Variants in PITPNM3 observed in about 807,000 individuals in gnomAD.
The protein encoded by PITPNM3 is PITPNM family member 3, also known as membrane-associated phosphatidylinositol transfer protein 3.
In PITPNM3, 26 loss-of-function variants were observed where a neutral mutation model predicts 102.0. The ratio of observed to expected loss-of-function variants is 0.25; its 90% confidence interval spans 0.19 to 0.35. The LOEUF (loss-of-function observed/expected upper bound fraction) is 0.35. PITPNM3 is among the 10% of genes least tolerant of loss of function. The pLI is 1.00. For missense variants in PITPNM3, 1,083 were observed against 1,346.1 expected, an observed-to-expected ratio of 0.80 and a Z score of 3.06; for synonymous variants, 578 against 558.6, an observed-to-expected ratio of 1.03 and a Z score of -0.49.
intron 3 of PITPNM3, among the ~76,000 whole-genome samples, chr17:6,523,977 C>T (rs12942679): frequency 0.23 from 34,262 of 152,206 alleles, 4,742 homozygotes; most frequent in Middle Eastern, 0.4. Flanking sequence ...CTGATGTTGC[C>T]ACCAGCTTGG....
At chr17:6,509,925 C>T (rs1432649921) in intron 3 of PITPNM3, among the ~76,000 whole-genome samples, 1 of 152,186 alleles carries the variant, frequency 6.6e-6, no homozygotes, top group African/African-American at 2.4e-5. Context: ...TCATCTCCAG[C>T]TTTTCCACCC....
intron 6 of PITPNM3, chr17:6,480,903 A>ACCCTGGAGGTCCCCTCAGTTTGTC: frequency 6.6e-6 from 1 of 152,298 alleles, no homozygotes; most frequent in Non-Finnish European, 1.5e-5. Context: ...GAGGCCCCAT[A>ACCCTGGAGGTCCCCTCAGTTTGTC]CCCTGGAGGT....
chr17:6,504,073 T>A (rs7210117), intron 3 of PITPNM3, among the ~76,000 whole-genome samples: 48,404 of 152,000 alleles, frequency 0.32, 8,890 homozygotes, highest in Middle Eastern at 0.56. Context: ...GACCAAAGCT[T>A]CCCTAGAAGT....
intron 1 of PITPNM3, among the ~76,000 whole-genome samples, chr17:6,542,792 C>T (rs915045624): frequency 6.6e-6 from 1 of 152,228 alleles, no homozygotes; most frequent in Non-Finnish European, 1.5e-5. Flanking sequence ...GGGGCCCTCC[C>T]CAAGGCCTCA....
intron 9 of PITPNM3, among the ~76,000 whole-genome samples, chr17:6,476,575 G>A (rs751204206): frequency 2.0e-5 from 3 of 152,160 alleles, no homozygotes; most frequent in African/African-American, 7.2e-5. Context: ...CAGCTCTTCC[G>A]TCACTGGCTG....
chr17:6,457,666 G>A lies in PITPNM3; in HGVS notation c.2547C>T (p.Ser849=), dbSNP rs1187547589. ...TCTGGGAGGCAGGCAGGCCCAGCAC[G>A]CTGTAGACAGAGATGTCCTTCGTGG... The part of the protein sequence containing the change: ...YGSTKDISVY[S]VLGLPASQIF... The change falls in exon 19 of 20, where the codon AGC becomes AGT. Residue 849 remains serine (S), a synonymous_variant. Transcript: ENST00000262483. The surrounding 1 kb of genome is among the most constrained non-coding windows in gnomAD (Gnocchi z 4.7). 8.7e-6 allele frequency: 14 copies of A among 1,605,506 alleles called. No individual in the cohort carries two copies. Among genetic ancestry groups the A allele is most frequent in the Admixed American group, 1.7e-5 (1 of 59,382 alleles).
At chr17:6,531,522 A>G (rs1158762987) in intron 2 of PITPNM3, among the ~76,000 whole-genome samples, 1 of 152,188 alleles carries the variant, frequency 6.6e-6, no homozygotes, top group Non-Finnish European at 1.5e-5. Flanking sequence ...ATCCCTCACA[A>G]TAAGGAGCTC....
intron 1 of PITPNM3, among the ~76,000 whole-genome samples, chr17:6,539,270 G>A (rs756082371): frequency 2.6e-5 from 4 of 152,164 alleles, no homozygotes; most frequent in African/African-American, 9.7e-5. Flanking sequence ...TGCAAGGGGG[G>A]TCTGAGAGTT....
At chr17:6,509,783 TCTC>T (rs1377617913) in intron 3 of PITPNM3, among the ~76,000 whole-genome samples, 1 of 152,070 alleles carries the variant, frequency 6.6e-6, no homozygotes, top group African/African-American at 2.4e-5. Flanking sequence ...CCCCTCCTGT[TCTC>T]CTCCACATTG....
rs1321385736 is a variant in PITPNM3 at position 6,474,614 on chromosome 17, G to C, written c.1086-10C>G. The C allele has an allele frequency of 7.7e-6, 12 of 1,555,568 alleles. No homozygotes were observed. The highest frequency in any genetic ancestry group is 1.0e-5 in the Non-Finnish European group (12 of 1,150,422). ...CACGCTGGAGTGGATGCTGCGGAGG[G>C]AGGAGGACGCAGGGCAGGGCAGGTC... On this transcript the variant is annotated splice_polypyrimidine_tract_variant and intron_variant, in intron 9 of 19. Coordinates refer to ENST00000262483, the MANE Select transcript of PITPNM3 (RefSeq NM_031220.4).
At chr17:6,545,745 CG>C (rs5819118) in intron 1 of PITPNM3, among the ~76,000 whole-genome samples, 46,360 of 152,038 alleles carry the variant, frequency 0.3, 7,803 homozygotes, top group South Asian at 0.4. Flanking sequence ...GAGGCCAGCC[CG>C]GGTGCCTGTC....
At chr17:6,473,980 A>C in intron 10 of PITPNM3, among the ~76,000 whole-genome samples, 1 of 53,650 alleles carries the variant, frequency 1.9e-5, no homozygotes, top group African/African-American at 6.9e-5. Context: ...CCATCTCAAA[A>C]AAAAAAAAAA....
chr17:6,464,276 C>T lies in PITPNM3; in HGVS notation c.2050G>A (p.Val684Ile). The T allele has an allele frequency of 6.2e-7, 1 of 1,614,110 alleles. No homozygotes were observed. The highest frequency in any genetic ancestry group is 8.5e-7 in the Non-Finnish European group (1 of 1,180,020). The change falls in exon 16 of 20, where the codon GTA (valine) becomes ATA (isoleucine). Residue 684 changes from valine to isoleucine, a missense_variant. Val to Ile is a conservative substitution (Grantham distance 29, BLOSUM62 3). Coordinates refer to ENST00000262483, the MANE Select transcript of PITPNM3 (RefSeq NM_031220.4). The stretch of plus-strand genomic sequence containing the variant: ...TTGGTGATCTCTGTGTCCAGGTGTA[C>T]CCAGCGGCCTGAGGATGGCTCTGCC... Reference protein sequence around the residue: ...VMAEPSSGRWVHLDTEITNSS... With the variant: ...VMAEPSSGRWIHLDTEITNSS...
chr17:6,525,487 C>T (rs771150858), intron 2 of PITPNM3, 24 bp from the exon 3 acceptor site: 1 of 1,578,768 alleles, frequency 6.3e-7, no homozygotes, highest in South Asian at 1.1e-5. Flanking sequence ...CAGCGGTGAG[C>T]AGAAGCAGGT....
At chr17:6,553,469 C>T (rs1230378540) in intron 1 of PITPNM3, among the ~76,000 whole-genome samples, 1 of 152,200 alleles carries the variant, frequency 6.6e-6, no homozygotes, top group Non-Finnish European at 1.5e-5. Context: ...CGACACAAGC[C>T]ATGCCACAAA....
rs528003227 is a variant in PITPNM3 at position 6,556,020 on chromosome 17, C to T, written c.22+365G>A. 7.9e-5 allele frequency among the ~76,000 whole-genome samples: 12 copies of T among 152,250 alleles called. No homozygotes were observed. The highest frequency in any genetic ancestry group is 2.2e-4 in the African/African-American group (9 of 41,564). On this transcript the variant is annotated intron_variant, in intron 1 of 19. Transcript: ENST00000262483. The surrounding 1 kb of genome is among the most constrained non-coding windows in gnomAD (Gnocchi z 5.2). The stretch of plus-strand genomic sequence containing the variant: ...TCCCGGTTTGCGTTGGGGTGTGGGA[C>T]GAAGCGGCGGCCGCGGGACATCCCC...
In PITPNM3 at chr17:6,464,703, C is replaced by G. The variant is rs780380205; in HGVS notation, c.1959G>C (p.Gly653=). The change falls in exon 15 of 20, where the codon GGG becomes GGC. Residue 653 remains glycine (G), a synonymous_variant. Coordinates refer to ENST00000262483, the MANE Select transcript of PITPNM3 (RefSeq NM_031220.4). Reference sequence around the variant, plus strand: ...TGTCGAGGGGCCCGTACATGAACCGCCCCACCAGGACCTGGGGGCCATCTT... The same window carrying G: ...TGTCGAGGGGCCCGTACATGAACCGGCCCACCAGGACCTGGGGGCCATCTT... The part of the protein sequence containing the change: ...AAEDGPQVLV[G]RFMYGPLDMV... The G allele has an allele frequency of 6.2e-7, 1 of 1,614,088 alleles. No homozygotes were observed. Among genetic ancestry groups the G allele is most frequent in the East Asian group, 2.2e-5 (1 of 44,894 alleles).
At chr17:6,511,667 A>C (rs1250914350) in intron 3 of PITPNM3, among the ~76,000 whole-genome samples, 1 of 152,196 alleles carries the variant, frequency 6.6e-6, no homozygotes, top group Non-Finnish European at 1.5e-5. Flanking sequence ...AAAGAAAACC[A>C]TAACCTCAAG....
intron 1 of PITPNM3, among the ~76,000 whole-genome samples, chr17:6,543,848 C>A (rs1364156743): frequency 6.6e-6 from 1 of 152,150 alleles, no homozygotes; most frequent in Non-Finnish European, 1.5e-5. Flanking sequence ...AGATGAGCCT[C>A]CAAGGAAGGG....
Sources: gnomAD v4.1 joint callset for allele counts (sites outside exome capture counted in the v4.1 genomes callset) on GRCh38, gnomAD v4.1.1 for gene constraint, Gnocchi (gnomAD v3.1) non-coding constraint, MANE v1.5 for transcripts, NCBI Gene and HGNC (gene_info 2026-07-23, HGNC 2026-07-21) for gene names.